NLGN4Y: variants seen among roughly 807,000 people sequenced by gnomAD.
NLGN4Y encodes neuroligin-4, Y-linked.
NLGN4Y carries 4 observed loss-of-function variants against 8.4 expected under a neutral mutation model. That is an observed-to-expected ratio of 0.48 (90% CI 0.23 to 1.09). The LOEUF (loss-of-function observed/expected upper bound fraction) is 1.09. Ranked by LOEUF, NLGN4Y falls within the 50% of genes least tolerant of loss-of-function variation. The pLI, the probability that NLGN4Y is intolerant of heterozygous loss-of-function variation, is 0.19. For synonymous variants in NLGN4Y, 35 were observed against 75.6 expected (o/e 0.46, Z 2.78); for missense variants, 90 against 192.3 (o/e 0.47, Z 3.15).
At chrY:14,757,657 G>C in intron 4 of NLGN4Y, among the ~76,000 whole-genome samples, 1 of 34,037 alleles carries the variant, frequency 2.9e-5, no homozygotes, top group Non-Finnish European at 7.3e-5. Flanking sequence ...GCTTACTGTA[G>C]CTTTGATCTT....
intron 2 of NLGN4Y, among the ~76,000 whole-genome samples, chrY:14,687,372 C>G (rs1043771624): frequency 6.2e-5 from 2 of 32,333 alleles, no homozygotes; most frequent in Non-Finnish European, 1.5e-4. Context: ...GTGTAATTGT[C>G]TGCTCTCATG....
chrY:14,579,916 C>T, intron 1 of NLGN4Y, among the ~76,000 whole-genome samples: 1 of 31,294 alleles, frequency 3.2e-5, no homozygotes, highest in African/African-American at 1.3e-4. Context: ...CCTGGGATGT[C>T]GTATGCTGTG....
chrY:14,843,226 G>A lies in NLGN4Y; in HGVS notation c.*1964G>A, dbSNP rs1157902442. On this transcript the variant is annotated 3_prime_UTR_variant, in exon 7 of 7. Coordinates refer to ENST00000684976, the MANE Select transcript of NLGN4Y (RefSeq NM_001365588.1). ...ACTTCCAAATCCTGTTGCTTATGTT[G>A]GGTTAAATTTGAAAGCAATTCTCTA... 1 of 121,486 alleles carries A rather than the reference G, an allele frequency of 8.2e-6. No individual in the cohort carries two copies. The highest frequency in any genetic ancestry group is 3.9e-5 in the South Asian group (1 of 25,661). The allele number at this position is 121,486 out of a possible 400,897, so 30.3% of individuals were successfully genotyped here. A position where few individuals can be genotyped will look rare whatever the true frequency, so the allele number is the denominator to read the frequency against.
chrY:14,816,962 A>G, intron 4 of NLGN4Y, among the ~76,000 whole-genome samples: 2 of 33,643 alleles, frequency 5.9e-5, no homozygotes, highest in Non-Finnish European at 1.5e-4. Flanking sequence ...CTAGTGTGCC[A>G]TTTACATCAT....
chrY:14,606,823 G>A, intron 1 of NLGN4Y, among the ~76,000 whole-genome samples: 1 of 31,780 alleles, frequency 3.1e-5, no homozygotes, highest in Non-Finnish European at 7.6e-5. Context: ...ATATATATAC[G>A]TATATACACA....
chrY:14,735,176 C>A, intron 4 of NLGN4Y, among the ~76,000 whole-genome samples: 1 of 33,961 alleles, frequency 2.9e-5, no homozygotes, highest in African/African-American at 1.1e-4. Context: ...TACATAGACA[C>A]TTTTGTATGT....
chrY:14,756,018 ATAGT>A (rs2081055566), intron 4 of NLGN4Y, among the ~76,000 whole-genome samples: 3 of 34,169 alleles, frequency 8.8e-5, no homozygotes, highest in Non-Finnish European at 1.5e-4. Flanking sequence ...TTCTCTGAAA[ATAGT>A]TAGTAATCAG....
intron 4 of NLGN4Y, among the ~76,000 whole-genome samples, chrY:14,747,282 A>G (rs750793089): frequency 6.8e-4 from 22 of 32,528 alleles, no homozygotes; most frequent in Non-Finnish European, 9.8e-4. Context: ...CAGATGATGC[A>G]TGAGTTCTTG....
At chrY:14,777,342 C>T (rs2081129845) in intron 4 of NLGN4Y, among the ~76,000 whole-genome samples, 1 of 33,093 alleles carries the variant, frequency 3.0e-5, no homozygotes. Context: ...TGCTGTTCCA[C>T]AATCTGAATA....
chrY:14,582,848 G>C (rs2080324699), intron 1 of NLGN4Y, among the ~76,000 whole-genome samples: 3 of 34,423 alleles, frequency 8.7e-5, no homozygotes, highest in Admixed American at 2.6e-4. Flanking sequence ...ATTATTTTAT[G>C]TTGTTTGTTT....
At chrY:14,557,649 A>C in intron 1 of NLGN4Y, among the ~76,000 whole-genome samples, 2 of 33,449 alleles carry the variant, frequency 6.0e-5, no homozygotes, top group African/African-American at 2.3e-4. Context: ...GGTTAAAAAC[A>C]ATTATTATCC....
chrY:14,667,018 A>C, intron 2 of NLGN4Y, among the ~76,000 whole-genome samples: 1 of 32,483 alleles, frequency 3.1e-5, no homozygotes, highest in East Asian at 8.1e-4. Context: ...CTATCCAATG[A>C]AAACAATGTT....
chrY:14,538,517 T>C, intron 1 of NLGN4Y, among the ~76,000 whole-genome samples: 1 of 34,248 alleles, frequency 2.9e-5, no homozygotes, highest in African/African-American at 1.1e-4. Flanking sequence ...CATTTGATGG[T>C]AACTCATTTT....
chrY:14,767,620 T>C (rs2081096150), intron 4 of NLGN4Y, among the ~76,000 whole-genome samples: 2 of 33,770 alleles, frequency 5.9e-5, no homozygotes, highest in African/African-American at 2.3e-4. Context: ...AAAATCCACC[T>C]CTTACTTCTT....
rs575231293 is a variant in NLGN4Y, at chrY:14,575,993, GC to G, written c.-111-46012del. Among the ~76,000 whole-genome samples the G allele has an allele frequency of 2.8e-3, 95 of 33,337 alleles. No individual in the cohort carries two copies. In the Middle Eastern group the frequency reaches 0.055, roughly 19 times the overall value. The allele number at this position is 33,337 out of a possible 37,273, so 89.4% of individuals were successfully genotyped here. ...ACCCAGCTATGTGAGGTGTCAGTCT[GC>G]CCCTACTAGGGGTTGCCTCCCAGAT... On this transcript the variant is annotated intron_variant, in intron 1 of 6. Transcript: ENST00000684976.
At chrY:14,545,567 C>T (rs2150467426) in intron 1 of NLGN4Y, among the ~76,000 whole-genome samples, 1 of 33,749 alleles carries the variant, frequency 3.0e-5, no homozygotes, top group South Asian at 6.6e-4. Flanking sequence ...TTTTTGGCTG[C>T]ATAAATGTCT....
At chrY:14,702,605 A>C in intron 2 of NLGN4Y, among the ~76,000 whole-genome samples, 1 of 33,260 alleles carries the variant, frequency 3.0e-5, no homozygotes, top group Non-Finnish European at 7.4e-5. Context: ...TATTGTGAAT[A>C]ATGCCGCAAT....
At chrY:14,790,698 C>G (rs2042982382) in intron 4 of NLGN4Y, among the ~76,000 whole-genome samples, 1 of 33,013 alleles carries the variant, frequency 3.0e-5, no homozygotes, top group African/African-American at 1.2e-4. Context: ...TATAAGTTTC[C>G]CATTCACAGA....
chrY:14,819,441 G>A, intron 4 of NLGN4Y, among the ~76,000 whole-genome samples: 3 of 33,511 alleles, frequency 9.0e-5, no homozygotes, highest in African/African-American at 3.5e-4. Context: ...AGGACTATCT[G>A]AAAACATCCC....
Sources: gnomAD v4.1 joint callset for allele counts (sites outside exome capture counted in the v4.1 genomes callset) on GRCh38, gnomAD v4.1.1 for gene constraint, MANE v1.5 for transcripts, NCBI Gene and HGNC (gene_info 2026-07-23, HGNC 2026-07-21) for gene names.